AQP11: variants seen among roughly 807,000 people sequenced by gnomAD.
The protein encoded by AQP11 is aquaporin 11.
In AQP11, 20 loss-of-function variants were observed where a neutral mutation model predicts 21.1. That is an observed-to-expected ratio of 0.95 (90% CI 0.67 to 1.38). The LOEUF is 1.38. Ranked by LOEUF, AQP11 falls within the 40% of genes most tolerant of loss-of-function variation. The probability of loss-of-function intolerance (pLI) is 0.00; values close to 1 mark genes in which losing one functional copy is unlikely to be tolerated. For synonymous variants in AQP11, 167 were observed against 150.1 expected (o/e 1.11, Z -0.82); for missense variants, 339 against 340.4 (o/e 1.00, Z 0.03).
At chr11:77,597,822 C>A (rs1296066262) in intron 1 of AQP11, among the ~76,000 whole-genome samples, 1 of 151,914 alleles carries the variant, frequency 6.6e-6, no homozygotes, top group East Asian at 2.0e-4. Context: ...GGCGCGATCT[C>A]GGCTCACTGC....
intron 1 of AQP11, among the ~76,000 whole-genome samples, chr11:77,594,850 T>C (rs1206129278): frequency 6.6e-6 from 1 of 152,042 alleles, no homozygotes; most frequent in Non-Finnish European, 1.5e-5. Flanking sequence ...AGTTATGTCA[T>C]TGCCATTTAT....
At chr11:77,593,437 T>C (rs59581090) in intron 1 of AQP11, among the ~76,000 whole-genome samples, 27,479 of 152,036 alleles carry the variant, frequency 0.18, 3,178 homozygotes, top group African/African-American at 0.31. Context: ...TGATCGAGAC[T>C]ATCCTGGCTA....
intron 2 of AQP11, among the ~76,000 whole-genome samples, chr11:77,607,144 A>T (rs1013803276): frequency 6.6e-6 from 1 of 152,222 alleles, no homozygotes; most frequent in Admixed American, 6.5e-5. Flanking sequence ...TGATTTTTAG[A>T]ATACTGCATT....
intron 1 of AQP11, among the ~76,000 whole-genome samples, chr11:77,601,695 A>G (rs1181859786): frequency 6.6e-6 from 1 of 152,140 alleles, no homozygotes; most frequent in African/African-American, 2.4e-5. Flanking sequence ...TGGGTTATAG[A>G]TGGGCAGTTC....
intron 2 of AQP11, among the ~76,000 whole-genome samples, chr11:77,606,036 C>CAAAA (rs11326964): frequency 1.6e-5 from 1 of 63,974 alleles, no homozygotes; most frequent in Non-Finnish European, 3.3e-5. Flanking sequence ...GAGCGAGTCT[C>CAAAA]AAAAAAAAAA....
Position 77,609,404 on chromosome 11 carries a change from C to A in AQP11, c.*27C>A. ...TGTTCCAAAGACTCAGACTAACATA[C>A]AGGACAGTCCAGCTGGATGTGATAA... On this transcript the variant is annotated 3_prime_UTR_variant, in exon 3 of 3. Transcript: ENST00000313578. 1.3e-6 allele frequency: 2 copies of A among 1,547,512 alleles called. No individual in the cohort carries two copies. The highest frequency in any genetic ancestry group is 1.1e-5 in the South Asian group (1 of 86,980).
intron 1 of AQP11, among the ~76,000 whole-genome samples, chr11:77,594,036 T>C (rs866849630): frequency 1.3e-5 from 2 of 152,104 alleles, no homozygotes; most frequent in East Asian, 1.9e-4. Context: ...GAAAGTAGAA[T>C]AGAGTTACCA....
At chr11:77,590,634 T>C in intron 1 of AQP11, 23 bp downstream of exon 1, 3 of 1,598,118 alleles carry the variant, frequency 1.9e-6, no homozygotes, top group Non-Finnish European at 2.6e-6. Context: ...CACCAAATAC[T>C]TGGCACTTCC....
intron 1 of AQP11, among the ~76,000 whole-genome samples, chr11:77,601,011 CAA>C (rs1167196725): frequency 2.2e-4 from 18 of 80,204 alleles, no homozygotes; most frequent in Non-Finnish European, 1.6e-4. Flanking sequence ...GACTCCGTCT[CAA>C]AAAAAAAAAA....
chr11:77,601,751 G>A (rs2135749195), intron 1 of AQP11, among the ~76,000 whole-genome samples: 1 of 152,306 alleles, frequency 6.6e-6, no homozygotes, highest in African/African-American at 2.4e-5. Context: ...CAGTGGTGAG[G>A]CTGGAAAGCC....
chr11:77,608,391 G>T (rs1958858360), intron 2 of AQP11, among the ~76,000 whole-genome samples: 2 of 152,178 alleles, frequency 1.3e-5, no homozygotes, highest in Admixed American at 1.3e-4. Flanking sequence ...GGGAGGCCAA[G>T]GGGGGTGGAT....
intron 2 of AQP11, among the ~76,000 whole-genome samples, chr11:77,607,097 G>A (rs4945185): frequency 0.41 from 62,773 of 151,864 alleles, 13,559 homozygotes; most frequent in African/African-American, 0.53. Flanking sequence ...GCATCCTTCA[G>A]TATATGTAGA....
rs1203870409 is a variant in AQP11 at position 77,590,648 on chromosome 11, G to T, written c.619+37G>T. 2 of 1,583,614 alleles carry T rather than the reference G, an allele frequency of 1.3e-6. 1 individual carries two copies. The highest frequency in any genetic ancestry group is 1.7e-6 in the Non-Finnish European group (2 of 1,165,780). ...TCACCAAATACTTGGCACTTCCAGA[G>T]CCTCTATGACATGAGGCTGTAAGTT... On this transcript the variant is annotated intron_variant, in intron 1 of 2. Transcript: ENST00000313578.
chr11:77,609,145 TA>T lies in AQP11; in HGVS notation c.737-151del, dbSNP rs1282329719. ...TCTGAGAATATTAGATTTAAATATC[TA>T]ACATGTTTCACGTAGAATTGATGTA... On this transcript the variant is annotated intron_variant, in intron 2 of 2. Transcript: ENST00000313578. Among the ~76,000 whole-genome samples the T allele has an allele frequency of 4.6e-5, 7 of 152,346 alleles. No homozygotes were observed. The East Asian group carries it at 1.3e-3, about 29-fold the overall frequency.
intron 1 of AQP11, 38 bp downstream of exon 1, chr11:77,590,649 C>T: frequency 1.3e-6 from 2 of 1,578,002 alleles, no homozygotes; most frequent in East Asian, 2.2e-5. Context: ...ACTTCCAGAG[C>T]CTCTATGACA....
At chr11:77,608,667 C>T (rs1554977522) in intron 2 of AQP11, among the ~76,000 whole-genome samples, 1 of 152,142 alleles carries the variant, frequency 6.6e-6, no homozygotes, top group Non-Finnish European at 1.5e-5. Context: ...TAAACTTCCA[C>T]CATCGACTGA....
chr11:77,599,912 A>G (rs562521459), intron 1 of AQP11, among the ~76,000 whole-genome samples: 148 of 152,128 alleles, frequency 9.7e-4, no homozygotes, highest in African/African-American at 3.2e-3. Flanking sequence ...TGCATTTACT[A>G]TACATATAGA....
At chr11:77,600,046 G>A (rs932636321) in intron 1 of AQP11, among the ~76,000 whole-genome samples, 2 of 151,912 alleles carry the variant, frequency 1.3e-5, no homozygotes, top group African/African-American at 4.8e-5. Context: ...TGCAACCTCT[G>A]CCTCCTGGGT....
chr11:77,593,888 A>G (rs1450618397), intron 1 of AQP11, among the ~76,000 whole-genome samples: 3 of 152,220 alleles, frequency 2.0e-5, no homozygotes, highest in Non-Finnish European at 4.4e-5. Context: ...ATAAAAAGGA[A>G]TGAAGTTATG....
Sources: allele counts gnomAD v4.1 joint callset (sites outside exome capture counted in the v4.1 genomes callset), GRCh38; gene constraint gnomAD v4.1.1; transcripts MANE v1.5; gene names NCBI Gene and HGNC (gene_info 2026-07-23, HGNC 2026-07-21).